EPSTI1: variants seen among roughly 807,000 people sequenced by gnomAD.
The protein encoded by EPSTI1 is epithelial stromal interaction 1.
A neutral mutation model predicts 49.9 loss-of-function variants in EPSTI1; 66 were observed. The observed-to-expected ratio is 1.32, with a 90% CI of 1.08 to 1.62. EPSTI1 has a LOEUF of 1.62. Ranked by LOEUF, EPSTI1 falls within the 40% of genes most tolerant of loss-of-function variation. The probability of loss-of-function intolerance (pLI) is 0.00; values close to 1 mark genes in which losing one functional copy is unlikely to be tolerated. For synonymous variants in EPSTI1, 137 were observed against 130.7 expected, an observed-to-expected ratio of 1.05 and a Z score of -0.33; for missense variants, 394 against 365.5, an observed-to-expected ratio of 1.08 and a Z score of -0.64.
intron 6 of EPSTI1, among the ~76,000 whole-genome samples, chr13:42,937,990 G>A (rs1050272407): frequency 2.0e-5 from 3 of 152,156 alleles, no homozygotes; most frequent in Non-Finnish European, 2.9e-5. Flanking sequence ...TCCATAGGCT[G>A]CAGAATGGAG....
chr13:42,974,344 A>T (rs1336256214), intron 1 of EPSTI1, among the ~76,000 whole-genome samples: 2 of 151,210 alleles, frequency 1.3e-5, no homozygotes, highest in Non-Finnish European at 2.9e-5. Flanking sequence ...CTCAAAAAAA[A>T]AGAAAAAGAA....
At chr13:42,923,372 G>A (rs774102955) in intron 7 of EPSTI1, among the ~76,000 whole-genome samples, 44 of 152,092 alleles carry the variant, frequency 2.9e-4, no homozygotes, top group Middle Eastern at 3.2e-3. Flanking sequence ...ATCACCCTGC[G>A]CAATGTGGCA....
At chr13:42,895,195 A>G in intron 9 of EPSTI1, 87 bp from the exon 10 acceptor site, 2 of 997,358 alleles carry the variant, frequency 2.0e-6, no homozygotes, top group Non-Finnish European at 3.0e-6. Flanking sequence ...GTATGAACTG[A>G]CCATGGGGAT....
At chr13:42,914,831 G>A (rs2037785803) in intron 8 of EPSTI1, among the ~76,000 whole-genome samples, 1 of 152,164 alleles carries the variant, frequency 6.6e-6, no homozygotes, top group South Asian at 2.1e-4. Flanking sequence ...ACAAAAAAAG[G>A]AAGCATCCAA....
intron 6 of EPSTI1, among the ~76,000 whole-genome samples, chr13:42,935,161 G>A (rs2038516806): frequency 6.6e-6 from 1 of 152,158 alleles, no homozygotes; most frequent in Non-Finnish European, 1.5e-5. Context: ...ACAGCTTTCT[G>A]TCATTCCATG....
intron 5 of EPSTI1, among the ~76,000 whole-genome samples, chr13:42,956,763 G>T (rs772391256): frequency 1.3e-5 from 2 of 152,044 alleles, no homozygotes; most frequent in Non-Finnish European, 2.9e-5. Context: ...AATATACAAA[G>T]GTACAAGAGA....
chr13:42,905,586 G>T (rs1219688477), intron 8 of EPSTI1, among the ~76,000 whole-genome samples: 1 of 152,176 alleles, frequency 6.6e-6, no homozygotes, highest in Non-Finnish European at 1.5e-5. Context: ...GACATGAAAA[G>T]CATCAAAGTG....
At chr13:42,903,117 T>C (rs2037405687) in intron 8 of EPSTI1, among the ~76,000 whole-genome samples, 1 of 152,150 alleles carries the variant, frequency 6.6e-6, no homozygotes, top group Non-Finnish European at 1.5e-5. Flanking sequence ...ATACAATGCA[T>C]TCTGAACAAA....
chr13:42,888,077 G>A lies in EPSTI1; in HGVS notation c.*417C>T, dbSNP rs1313623257. ...CATATTTGTACCATAAAGAAAGTAG[G>A]GATTAAAATCTAAAAAGACCCCCAA... On this transcript the variant is annotated 3_prime_UTR_variant, in exon 11 of 11. Transcript: ENST00000313624. The A allele has an allele frequency of 1.7e-6, 1 of 598,926 alleles. No individual in the cohort carries two copies. The highest frequency in any genetic ancestry group is 2.0e-5 in the African/African-American group (1 of 51,082). The allele number at this position is 598,926 out of a possible 1,614,324, so 37.1% of individuals were successfully genotyped here.
chr13:42,905,834 G>A (rs1181912417), intron 8 of EPSTI1, among the ~76,000 whole-genome samples: 1 of 152,238 alleles, frequency 6.6e-6, no homozygotes, highest in Non-Finnish European at 1.5e-5. Flanking sequence ...TAAGCTACAT[G>A]ACATGGGAAT....
At chr13:42,921,550 C>G (rs7326238) in intron 7 of EPSTI1, among the ~76,000 whole-genome samples, 71,204 of 151,952 alleles carry the variant, frequency 0.47, 16,759 homozygotes, top group South Asian at 0.61. Context: ...GCCCAGAAAT[C>G]AGAGAACCCA....
rs138464145 is a variant in EPSTI1, at chr13:42,934,083, A to C, written c.564-7654T>G. ...TTCATTATCCTTCACCTGGTCTTGCAAGGAATGGTAAATACTGAATATACC... is the reference window on the plus strand; with the variant it reads ...TTCATTATCCTTCACCTGGTCTTGCCAGGAATGGTAAATACTGAATATACC... On this transcript the variant is annotated intron_variant, in intron 6 of 10. Coordinates refer to ENST00000313624, the MANE Select transcript of EPSTI1 (RefSeq NM_033255.5). 2.9e-3 allele frequency: 595 copies of C among 203,590 alleles called. 1 individual carries two copies. Among genetic ancestry groups the C allele is most frequent in the African/African-American group, 0.013 (557 of 43,262 alleles). 12.6% of individuals were successfully genotyped at this position (203,590 alleles called of 1,614,324 possible).
At chr13:42,957,015 G>A (rs1481182977) in intron 5 of EPSTI1, among the ~76,000 whole-genome samples, 2 of 152,136 alleles carry the variant, frequency 1.3e-5, no homozygotes, top group East Asian at 1.9e-4. Flanking sequence ...ACAAATACAC[G>A]AGAACCCCTG....
chr13:42,981,218 T>G (rs904967587), intron 1 of EPSTI1, among the ~76,000 whole-genome samples: 4 of 152,228 alleles, frequency 2.6e-5, no homozygotes, highest in Non-Finnish European at 5.9e-5. Context: ...GTCATCTCCC[T>G]TTGATTATTT....
At chr13:42,969,393 G>A (rs2039710572) in intron 2 of EPSTI1, 2 of 511,430 alleles carry the variant, frequency 3.9e-6, no homozygotes, top group Non-Finnish European at 6.8e-6. Flanking sequence ...AGTCAGCACA[G>A]AGGGTTCGAA....
At chr13:42,991,829 A>G in intron 1 of EPSTI1, 149 bp downstream of exon 1, 1 of 860,624 alleles carries the variant, frequency 1.2e-6, no homozygotes, top group Admixed American at 2.5e-5. Context: ...CGGCATGGAT[A>G]CTTTCATTTA....
intron 7 of EPSTI1, among the ~76,000 whole-genome samples, chr13:42,923,252 T>C (rs186693509): frequency 7.2e-5 from 11 of 152,322 alleles, no homozygotes; most frequent in Admixed American, 6.5e-4. Context: ...CACATCGTTA[T>C]TCTTCGTTGA....
intron 6 of EPSTI1, among the ~76,000 whole-genome samples, chr13:42,933,481 T>C (rs2038449458): frequency 6.6e-6 from 1 of 152,158 alleles, no homozygotes; most frequent in Non-Finnish European, 1.5e-5. Flanking sequence ...TTGCTCCCAA[T>C]CTACTTCCAG....
intron 4 of EPSTI1, chr13:42,963,618 GGTGT>G: frequency 4.8e-6 from 2 of 417,836 alleles, no homozygotes; most frequent in Non-Finnish European, 4.2e-6. Flanking sequence ...ATGTGTGTGT[GGTGT>G]GTGTGTGTAT....
Sources: allele counts gnomAD v4.1 joint callset (sites outside exome capture counted in the v4.1 genomes callset), GRCh38; gene constraint gnomAD v4.1.1; transcripts MANE v1.5; gene names NCBI Gene and HGNC (gene_info 2026-07-23, HGNC 2026-07-21).